PCDH9: variants seen among roughly 807,000 people sequenced by gnomAD.
PCDH9 encodes protocadherin-9.
In PCDH9, 24 loss-of-function variants were observed where a neutral mutation model predicts 70.6. The ratio of observed to expected loss-of-function variants is 0.34; its 90% CI spans 0.25 to 0.48. The LOEUF (loss-of-function observed/expected upper bound fraction) is 0.48. Among genes scored for constraint, PCDH9 ranks in the 20% least tolerant of loss-of-function variants. The pLI is 0.99. For missense variants in PCDH9, 1,281 were observed against 1,503.6 expected (o/e 0.85, Z 2.45); for synonymous variants, 562 against 558.5 (o/e 1.01, Z -0.09).
chr13:66,669,434 TTTG>T (rs1462839873), intron 3 of PCDH9, among the ~76,000 whole-genome samples: 1 of 152,196 alleles, frequency 6.6e-6, no homozygotes, highest in Non-Finnish European at 1.5e-5. Context: ...CTATCTTTTT[TTTG>T]TTGTTGTTTT....
intron 2 of PCDH9, among the ~76,000 whole-genome samples, chr13:66,979,031 T>C (rs1459753976): frequency 6.6e-6 from 1 of 152,050 alleles, no homozygotes; most frequent in Non-Finnish European, 1.5e-5. Flanking sequence ...AATTATCTTT[T>C]ATTCTAATGT....
intron 2 of PCDH9, among the ~76,000 whole-genome samples, chr13:67,009,264 G>C (rs979367023): frequency 1.3e-5 from 2 of 151,982 alleles, no homozygotes; most frequent in Non-Finnish European, 2.9e-5. Context: ...ATTGAGAAGC[G>C]CAATTCTAAC....
At chr13:66,421,756 G>T (rs1352299884) in intron 4 of PCDH9, among the ~76,000 whole-genome samples, 1 of 152,002 alleles carries the variant, frequency 6.6e-6, no homozygotes, top group African/African-American at 2.4e-5. Context: ...TGCACCAACT[G>T]GGGGGAAAAT....
At chr13:67,011,545 T>C (rs1349738109) in intron 2 of PCDH9, among the ~76,000 whole-genome samples, 1 of 151,826 alleles carries the variant, frequency 6.6e-6, no homozygotes, top group Non-Finnish European at 1.5e-5. Context: ...ATGAAATATC[T>C]TCTGTACAGC....
intron 3 of PCDH9, among the ~76,000 whole-genome samples, chr13:66,673,134 G>T (rs1021030768): frequency 2.6e-5 from 4 of 152,146 alleles, no homozygotes; most frequent in Non-Finnish European, 4.4e-5. Flanking sequence ...ATCTTGAATT[G>T]TAGCTCTCAT....
chr13:66,633,299 T>C lies in PCDH9; in HGVS notation c.3139-1888A>G, dbSNP rs1042096391. Among the ~76,000 whole-genome samples, 87 of 152,224 alleles carry C rather than the reference T, an allele frequency of 5.7e-4. 6 individuals are homozygous for C. On this transcript the variant is annotated intron_variant, in intron 3 of 4. Transcript: ENST00000377865. ...AACATCATTCCCTTCTCAAAGGTTTTGAAACGTGCCTAGGTGAGTGCTATA... is the reference window on the plus strand; with the variant it reads ...AACATCATTCCCTTCTCAAAGGTTTCGAAACGTGCCTAGGTGAGTGCTATA...
At chr13:66,817,382 T>C (rs1049219674) in intron 3 of PCDH9, among the ~76,000 whole-genome samples, 1 of 152,142 alleles carries the variant, frequency 6.6e-6, no homozygotes, top group African/African-American at 2.4e-5. Context: ...CTCATTCTCT[T>C]TCTGTTTGAT....
At chr13:67,128,770 A>C (rs926959975) in intron 2 of PCDH9, among the ~76,000 whole-genome samples, 6 of 152,104 alleles carry the variant, frequency 3.9e-5, no homozygotes, top group African/African-American at 1.4e-4. Flanking sequence ...GAAGATGTTG[A>C]GCTTCCACCG....
intron 2 of PCDH9, among the ~76,000 whole-genome samples, chr13:67,190,033 G>T (rs563597088): frequency 6.6e-6 from 1 of 152,068 alleles, no homozygotes; most frequent in South Asian, 2.1e-4. Flanking sequence ...CATTAAAATT[G>T]ATCAGTTGAA....
chr13:67,139,817 A>G (rs1438237231), intron 2 of PCDH9, among the ~76,000 whole-genome samples: 1 of 152,202 alleles, frequency 6.6e-6, no homozygotes. Context: ...CATTAAGTCC[A>G]AAGCAGTTCA....
intron 4 of PCDH9, among the ~76,000 whole-genome samples, chr13:66,455,930 T>C (rs1465340318): frequency 6.6e-6 from 1 of 152,160 alleles, no homozygotes; most frequent in Admixed American, 6.5e-5. Flanking sequence ...ACAGCCCATG[T>C]TGAAACGTCA....
intron 4 of PCDH9, among the ~76,000 whole-genome samples, chr13:66,359,760 C>T (rs537584935): frequency 5.3e-5 from 8 of 152,046 alleles, no homozygotes; most frequent in East Asian, 1.9e-4. Flanking sequence ...AACAAAGGGC[C>T]GTCTTTAGAA....
chr13:66,454,901 C>T (rs1958287753), intron 4 of PCDH9, among the ~76,000 whole-genome samples: 1 of 152,108 alleles, frequency 6.6e-6, no homozygotes, highest in Non-Finnish European at 1.5e-5. Flanking sequence ...CACGCCACCA[C>T]ACCTGGCAAA....
At chr13:66,907,335 TG>T (rs992112822) in intron 2 of PCDH9, among the ~76,000 whole-genome samples, 2 of 152,204 alleles carry the variant, frequency 1.3e-5, no homozygotes, top group African/African-American at 4.8e-5. Context: ...AGATTTATAT[TG>T]GGGGGTACAT....
intron 4 of PCDH9, among the ~76,000 whole-genome samples, chr13:66,557,681 T>C (rs1192268996): frequency 6.6e-6 from 1 of 152,214 alleles, no homozygotes; most frequent in East Asian, 1.9e-4. Flanking sequence ...AGATAAACTA[T>C]TATAAGTATT....
chr13:66,547,530 T>C (rs1488402914), intron 4 of PCDH9, among the ~76,000 whole-genome samples: 2 of 152,166 alleles, frequency 1.3e-5, no homozygotes, highest in Admixed American at 6.6e-5. Context: ...ACTTCCAGTA[T>C]TGGAAAGAAC....
chr13:66,522,036 CATATAT>C, intron 4 of PCDH9, among the ~76,000 whole-genome samples: 1 of 145,224 alleles, frequency 6.9e-6, no homozygotes, highest in South Asian at 2.1e-4. Context: ...TGTATATATA[CATATAT>C]ATATATATAT....
intron 4 of PCDH9, among the ~76,000 whole-genome samples, chr13:66,488,049 A>T (rs1958974433): frequency 6.6e-6 from 1 of 152,106 alleles, no homozygotes; most frequent in Non-Finnish European, 1.5e-5. Context: ...AGCATCCAAC[A>T]TGTTTTCCCT....
intron 3 of PCDH9, among the ~76,000 whole-genome samples, chr13:66,773,452 C>A (rs1221587035): frequency 6.6e-6 from 1 of 151,344 alleles, no homozygotes; most frequent in Admixed American, 6.6e-5. Flanking sequence ...TACAGTGAAA[C>A]CCTGTGTCCA....
Sources: gnomAD v4.1 joint callset for allele counts (sites outside exome capture counted in the v4.1 genomes callset) on GRCh38, gnomAD v4.1.1 for gene constraint, MANE v1.5 for transcripts, NCBI Gene and HGNC (gene_info 2026-07-23, HGNC 2026-07-21) for gene names.